Variants in FHIT observed in about 807,000 individuals in gnomAD.
FHIT encodes fragile histidine triad diadenosine triphosphatase, also known as bis(5'-adenosyl)-triphosphatase.
FHIT carries 19 observed loss-of-function variants against 17.9 expected under a neutral mutation model. That is an observed-to-expected ratio of 1.06 (90% confidence interval 0.74 to 1.56). FHIT has a LOEUF of 1.56. Ranked by LOEUF, FHIT falls within the 40% of genes most tolerant of loss-of-function variation. The pLI is 0.00. For synonymous variants in FHIT, 81 were observed against 69.7 expected (o/e 1.16, Z -0.81); for missense variants, 248 against 189.2 (o/e 1.31, Z -1.82).
At chr3:59,854,440 G>A (rs1160802292) in intron 8 of FHIT, among the ~76,000 whole-genome samples, 1 of 152,148 alleles carries the variant, frequency 6.6e-6, no homozygotes, top group African/African-American at 2.4e-5. Context: ...TTTCCAATGA[G>A]CATCCCAATC....
chr3:60,512,042 T>C (rs939104186), intron 5 of FHIT, among the ~76,000 whole-genome samples: 1 of 152,170 alleles, frequency 6.6e-6, no homozygotes, highest in Non-Finnish European at 1.5e-5. Context: ...TAAATATATG[T>C]TGAAAGAACG....
intron 5 of FHIT, among the ~76,000 whole-genome samples, chr3:60,149,613 T>C (rs1257393795): frequency 6.6e-6 from 1 of 152,126 alleles, no homozygotes; most frequent in East Asian, 1.9e-4. Flanking sequence ...TGAACATCTG[T>C]TGCCCCATAG....
intron 4 of FHIT, among the ~76,000 whole-genome samples, chr3:60,722,040 A>G (rs1685195992): frequency 6.6e-6 from 1 of 152,198 alleles, no homozygotes; most frequent in Admixed American, 6.5e-5. Context: ...GAAGGAAGGA[A>G]ATGAGGCTAT....
intron 4 of FHIT, among the ~76,000 whole-genome samples, chr3:60,658,496 A>C (rs2040167939): frequency 6.6e-6 from 1 of 152,058 alleles, no homozygotes; most frequent in Admixed American, 6.6e-5. Flanking sequence ...TAATATCCTA[A>C]AGTTATCGAT....
chr3:60,952,971 T>C (rs2364300), intron 3 of FHIT, among the ~76,000 whole-genome samples: 86,817 of 151,958 alleles, frequency 0.57, 25,311 homozygotes, highest in Middle Eastern at 0.63. Flanking sequence ...ATGTGTGTGC[T>C]TTTCTCCCAT....
chr3:60,875,557 G>T (rs1704609502), intron 3 of FHIT, among the ~76,000 whole-genome samples: 2 of 152,244 alleles, frequency 1.3e-5, no homozygotes, highest in South Asian at 4.2e-4. Flanking sequence ...CACATATCAT[G>T]AAAGTTATCA....
Position 60,975,977 on chromosome 3 carries a change from G to A in FHIT, c.-111+66070C>T, listed in dbSNP as rs545283434. ...AAATCAAATCAACTCTTTCTACACAGTGGAAATTCTTAGACCGTTTATTAA... is the reference window on the plus strand; with the variant it reads ...AAATCAAATCAACTCTTTCTACACAATGGAAATTCTTAGACCGTTTATTAA... On this transcript the variant is annotated intron_variant, in intron 3 of 9. Transcript: ENST00000492590. 2.6e-5 allele frequency among the ~76,000 whole-genome samples: 4 copies of A among 151,620 alleles called. No individual in the cohort carries two copies. The South Asian group carries it at 6.3e-4, about 24-fold the overall frequency.
intron 3 of FHIT, among the ~76,000 whole-genome samples, chr3:60,882,827 C>T (rs1705038311): frequency 6.6e-6 from 1 of 152,056 alleles, no homozygotes; most frequent in East Asian, 1.9e-4. Context: ...CCCACTCCCA[C>T]CACTGTTATT....
chr3:60,294,415 G>T (rs762257340), intron 5 of FHIT, among the ~76,000 whole-genome samples: 1 of 152,118 alleles, frequency 6.6e-6, no homozygotes, highest in East Asian at 1.9e-4. Context: ...TATGAAGAAC[G>T]TGACCAAGGT....
intron 8 of FHIT, among the ~76,000 whole-genome samples, chr3:59,824,110 T>C (rs575444898): frequency 6.6e-6 from 1 of 152,184 alleles, no homozygotes; most frequent in Admixed American, 6.5e-5. Flanking sequence ...CTGCAAAAAA[T>C]AAAATACTTC....
chr3:60,077,071 T>C (rs1703041343), intron 5 of FHIT, among the ~76,000 whole-genome samples: 1 of 152,014 alleles, frequency 6.6e-6, no homozygotes, highest in Non-Finnish European at 1.5e-5. Flanking sequence ...GAAATATATT[T>C]TTTTCATAGC....
chr3:60,697,864 A>G (rs1002613979), intron 4 of FHIT, among the ~76,000 whole-genome samples: 1 of 152,170 alleles, frequency 6.6e-6, no homozygotes, highest in African/African-American at 2.4e-5. Context: ...CAAGTCAAAA[A>G]CAAATCTGGA....
chr3:59,911,141 T>C (rs150979507), intron 8 of FHIT, among the ~76,000 whole-genome samples: 1 of 152,348 alleles, frequency 6.6e-6, no homozygotes, highest in East Asian at 1.9e-4. Flanking sequence ...TCATTAATAT[T>C]ATTCATAAAA....
At chr3:60,686,414 C>T (rs782258269) in intron 4 of FHIT, among the ~76,000 whole-genome samples, 9 of 152,024 alleles carry the variant, frequency 5.9e-5, no homozygotes, top group African/African-American at 1.7e-4. Flanking sequence ...TGCAAAACCA[C>T]GATTACTTTT....
chr3:59,797,865 C>G (rs762480283), intron 8 of FHIT, among the ~76,000 whole-genome samples: 4 of 152,126 alleles, frequency 2.6e-5, no homozygotes, highest in Non-Finnish European at 5.9e-5. Flanking sequence ...ATTAACAGAA[C>G]TAATCATAGA....
At chr3:60,810,719 C>T (rs1553735809) in intron 4 of FHIT, among the ~76,000 whole-genome samples, 1 of 150,276 alleles carries the variant, frequency 6.7e-6, no homozygotes, top group Non-Finnish European at 1.5e-5. Context: ...AAACAAAGCA[C>T]AAAAACAAAA....
chr3:60,383,205 C>G (rs554981551), intron 5 of FHIT, among the ~76,000 whole-genome samples: 4 of 152,204 alleles, frequency 2.6e-5, no homozygotes, highest in Non-Finnish European at 4.4e-5. Flanking sequence ...CTTCCTAAAG[C>G]TGTAATGAGG....
chr3:60,033,171 A>G (rs1031131720), intron 5 of FHIT, among the ~76,000 whole-genome samples: 2 of 152,210 alleles, frequency 1.3e-5, no homozygotes, highest in Admixed American at 6.5e-5. Context: ...GAACTTGACT[A>G]CTGCATTAAG....
intron 3 of FHIT, among the ~76,000 whole-genome samples, chr3:60,910,641 T>C (rs1487344796): frequency 1.3e-5 from 2 of 152,180 alleles, no homozygotes; most frequent in Non-Finnish European, 2.9e-5. Flanking sequence ...CTCCATCTCC[T>C]GACCTCATGA....
Sources: allele counts gnomAD v4.1 joint callset (sites outside exome capture counted in the v4.1 genomes callset), GRCh38; gene constraint gnomAD v4.1.1; transcripts MANE v1.5; gene names NCBI Gene and HGNC (gene_info 2026-07-23, HGNC 2026-07-21).